DOCK3: variants seen among roughly 807,000 people sequenced by gnomAD.
DOCK3 encodes the protein dedicator of cytokinesis 3.
In DOCK3, 60 loss-of-function variants were observed where a neutral mutation model predicts 265.6. The observed-to-expected ratio is 0.23, with a 90% CI of 0.18 to 0.28. The LOEUF (loss-of-function observed/expected upper bound fraction) is 0.28, where lower values mean the gene tolerates loss of function less well. Ranked by LOEUF, DOCK3 falls within the 10% of genes least tolerant of loss-of-function variation. DOCK3 has a pLI of 1.00. For synonymous variants in DOCK3, 881 were observed against 938.0 expected, an observed-to-expected ratio of 0.94 and a Z score of 1.11; for missense variants, 1,981 against 2,594.3, an observed-to-expected ratio of 0.76 and a Z score of 5.14.
intron 31 of DOCK3, among the ~76,000 whole-genome samples, chr3:51,313,131 C>CT (rs1210270343): frequency 1.3e-4 from 20 of 151,972 alleles, no homozygotes; most frequent in Admixed American, 1.3e-3. Flanking sequence ...TGCCAAATCC[C>CT]TTTTTTTAGG....
intron 9 of DOCK3, among the ~76,000 whole-genome samples, chr3:51,119,772 A>G (rs1003599415): frequency 2.0e-5 from 3 of 151,722 alleles, no homozygotes; most frequent in Non-Finnish European, 4.4e-5. Flanking sequence ...ATACTTGTGT[A>G]TGCTTCACAA....
chr3:51,145,575 TA>T (rs1035227571), intron 9 of DOCK3, among the ~76,000 whole-genome samples: 3 of 152,224 alleles, frequency 2.0e-5, no homozygotes, highest in Non-Finnish European at 4.4e-5. Flanking sequence ...TAAACTTTCT[TA>T]AAACATCGTG....
chr3:51,013,099 C>T (rs941730493), intron 5 of DOCK3, among the ~76,000 whole-genome samples: 1 of 152,168 alleles, frequency 6.6e-6, no homozygotes, highest in African/African-American at 2.4e-5. Context: ...CGAACATCCT[C>T]CTTTACCTTG....
intron 23 of DOCK3, among the ~76,000 whole-genome samples, chr3:51,269,022 G>T (rs1286480298): frequency 6.6e-6 from 1 of 151,646 alleles, no homozygotes; most frequent in African/African-American, 2.4e-5. Context: ...CTTAGATCTG[G>T]TCTCGGCTAA....
rs1033312021 is a variant in DOCK3, at chr3:51,186,460, G to T, written c.1038-22314G>T. ...AAATTCGCAGCCTAACAATGCAATA[G>T]AAAAGAAAATTACATTCTCTGAGGA... On this transcript the variant is annotated intron_variant, in intron 12 of 52. Transcript: ENST00000266037. Among the ~76,000 whole-genome samples, 43 of 152,174 alleles carry T rather than the reference G, an allele frequency of 2.8e-4. 1 individual carries two copies. Among genetic ancestry groups the T allele is most frequent in the Admixed American group, 2.6e-3 (39 of 15,286 alleles).
At chr3:51,068,155 T>C (rs906374373) in intron 6 of DOCK3, among the ~76,000 whole-genome samples, 4 of 152,220 alleles carry the variant, frequency 2.6e-5, no homozygotes, top group African/African-American at 9.6e-5. Flanking sequence ...TTTCAGAAAC[T>C]AGTAATTGTT....
At chr3:51,204,180 T>G (rs1236962604) in intron 12 of DOCK3, among the ~76,000 whole-genome samples, 2 of 147,260 alleles carry the variant, frequency 1.4e-5, no homozygotes, top group Admixed American at 1.4e-4. Flanking sequence ...CTAATTAAAC[T>G]AAAGAGCTTC....
At chr3:50,959,333 CT>C (rs139909173) in intron 5 of DOCK3, among the ~76,000 whole-genome samples, 370 of 150,470 alleles carry the variant, frequency 2.5e-3, no homozygotes, top group African/African-American at 8.5e-3. Context: ...AGGTACCTTT[CT>C]TTTTTTTTAA....
intron 12 of DOCK3, among the ~76,000 whole-genome samples, chr3:51,176,821 G>T (rs1234598215): frequency 6.6e-6 from 1 of 152,106 alleles, no homozygotes; most frequent in Non-Finnish European, 1.5e-5. Flanking sequence ...TATACAACTG[G>T]TGGTTCGGAA....
intron 1 of DOCK3, among the ~76,000 whole-genome samples, chr3:50,702,248 T>C (rs914866689): frequency 5.3e-5 from 8 of 152,196 alleles, no homozygotes; most frequent in African/African-American, 1.7e-4. Flanking sequence ...CTCCCTTCAG[T>C]GTTTTGTCAT....
intron 12 of DOCK3, among the ~76,000 whole-genome samples, chr3:51,201,511 G>A (rs12489372): frequency 0.91 from 138,795 of 152,182 alleles, 63,439 homozygotes; most frequent in African/African-American, 0.96. Context: ...GGAGCACCCA[G>A]ACACATAAAG....
At chr3:51,293,589 G>A (rs2081912208) in intron 27 of DOCK3, among the ~76,000 whole-genome samples, 1 of 152,078 alleles carries the variant, frequency 6.6e-6, no homozygotes, top group African/African-American at 2.4e-5. Flanking sequence ...TAAAGCACTG[G>A]CAATGAAAAT....
At chr3:51,087,337 AAATC>A (rs1200035928) in intron 7 of DOCK3, among the ~76,000 whole-genome samples, 3 of 152,248 alleles carry the variant, frequency 2.0e-5, no homozygotes, top group Admixed American at 1.3e-4. Flanking sequence ...CAACATGTGC[AAATC>A]AATCAGTGTG....
intron 4 of DOCK3, among the ~76,000 whole-genome samples, chr3:50,891,045 T>C (rs2048616516): frequency 6.6e-6 from 1 of 152,038 alleles, no homozygotes; most frequent in Admixed American, 6.6e-5. Flanking sequence ...ATAGCTACTG[T>C]TGGTATGTAT....
Position 51,330,184 on chromosome 3 carries a change from G to A in DOCK3, c.3449G>A (p.Gly1150Glu). ...IDKLDSMVSE[G>E]KGDESYRELF... ...AAGCTGGACAGCATGGTGTCAGAAG[G>A]GAAAGGTGACGAGAGCTACAGGGAG... The change falls in exon 33 of 53, where the codon GGG becomes GAG. Residue 1150 changes from glycine (G) to glutamate (E), a missense_variant. By Grantham distance (98) the Gly-to-Glu change is moderately conservative. Coordinates refer to ENST00000266037, the MANE Select transcript of DOCK3 (RefSeq NM_004947.5). 1.9e-6 allele frequency: 3 copies of A among 1,606,194 alleles called. No homozygotes were observed. The highest frequency in any genetic ancestry group is 2.5e-6 in the Non-Finnish European group (3 of 1,176,512).
intron 2 of DOCK3, among the ~76,000 whole-genome samples, chr3:50,800,865 C>G (rs1034692195): frequency 6.6e-6 from 1 of 152,046 alleles, no homozygotes; most frequent in African/African-American, 2.4e-5. Flanking sequence ...TCTTACGATT[C>G]TATTTTCATT....
chr3:50,881,567 A>G (rs1490796592), intron 3 of DOCK3, among the ~76,000 whole-genome samples: 2 of 152,182 alleles, frequency 1.3e-5, no homozygotes, highest in African/African-American at 2.4e-5. Flanking sequence ...AGGGATGTGA[A>G]GGACCTCTTC....
intron 9 of DOCK3, among the ~76,000 whole-genome samples, chr3:51,100,009 T>C (rs966995501): frequency 1.3e-4 from 19 of 149,064 alleles, no homozygotes; most frequent in Non-Finnish European, 2.1e-4. Context: ...GGCAGCCATG[T>C]CACCCTTATT....
chr3:50,850,322 T>C (rs1051298192), intron 3 of DOCK3, among the ~76,000 whole-genome samples: 2 of 150,176 alleles, frequency 1.3e-5, no homozygotes, highest in Non-Finnish European at 3.0e-5. Context: ...ATTGTGCCAC[T>C]GCACTCCAGC....
Sources: gnomAD v4.1 joint callset for allele counts (sites outside exome capture counted in the v4.1 genomes callset) on GRCh38, gnomAD v4.1.1 for gene constraint, MANE v1.5 for transcripts, NCBI Gene and HGNC (gene_info 2026-07-23, HGNC 2026-07-21) for gene names.